The following HNRNPM variants were observed in gnomAD, a reference collection of about 807,000 sequenced individuals.
The protein encoded by HNRNPM is heterogeneous nuclear ribonucleoprotein M.
Under a neutral mutation model 73.1 loss-of-function variants are expected in HNRNPM, and 11 were observed. The observed-to-expected ratio is 0.15, with a 90% CI of 0.09 to 0.25. The LOEUF is 0.25. Ranked by LOEUF, HNRNPM falls within the 10% of genes least tolerant of loss-of-function variation. The pLI is 1.00. For synonymous variants in HNRNPM, 407 were observed against 355.2 expected (o/e 1.15, Z -1.64); for missense variants, 789 against 1,067.9 (o/e 0.74, Z 3.64).
chr19:8,462,124 G>A lies in HNRNPM; in HGVS notation c.284-405G>A. The A allele has an allele frequency of 1.0e-5, 2 of 197,518 alleles. No homozygotes were observed. Among genetic ancestry groups the A allele is most frequent in the Non-Finnish European group, 2.1e-5 (2 of 94,132 alleles). The allele number at this position is 197,518 out of a possible 1,614,324, so 12.2% of individuals were successfully genotyped here. A position where few individuals can be genotyped will look rare whatever the true frequency, so the allele number is the denominator to read the frequency against. The stretch of plus-strand genomic sequence containing the variant: ...TTATAGCATGTGAGCTCAGCCCGAT[G>A]GCATCGCAATTTGTATGCATTTCAC... On this transcript the variant is annotated intron_variant, in intron 2 of 15. Transcript: ENST00000325495. This position sits in a 1 kb window ranked among gnomAD's most constrained non-coding sequence, Gnocchi z 4.5.
At chr19:8,482,217 A>G (rs377053050) in intron 12 of HNRNPM, among the ~76,000 whole-genome samples, 154 of 152,246 alleles carry the variant, frequency 1.0e-3, no homozygotes, top group African/African-American at 3.6e-3. Context: ...TTGGCCTCCC[A>G]AAGTGCTGGG....
chr19:8,471,784 G>A (rs367914926), intron 10 of HNRNPM, among the ~76,000 whole-genome samples: 2 of 152,100 alleles, frequency 1.3e-5, no homozygotes, highest in South Asian at 2.1e-4. Context: ...TAGCACTGCC[G>A]CAGTGCCCTG....
At chr19:8,468,605 A>T (rs1367384476) in intron 8 of HNRNPM, among the ~76,000 whole-genome samples, 169 bp from the exon 9 acceptor site, 1 of 152,162 alleles carries the variant, frequency 6.6e-6, no homozygotes, top group Non-Finnish European at 1.5e-5. Context: ...TTCCCTTGAC[A>T]TAAAATAGGA....
intron 13 of HNRNPM, 29 bp from the exon 14 acceptor site, chr19:8,485,574 C>A (rs768836407): frequency 6.3e-7 from 1 of 1,581,722 alleles, no homozygotes; most frequent in Non-Finnish European, 8.6e-7. Context: ...GTTCTTGACA[C>A]CCACCTGTGT....
chr19:8,453,667 G>C (rs796574201), intron 1 of HNRNPM, among the ~76,000 whole-genome samples: 1 of 152,062 alleles, frequency 6.6e-6, no homozygotes, highest in African/African-American at 2.4e-5. Context: ...TCTCACTGGC[G>C]GGACACACAG....
chr19:8,460,534 C>G (rs1969329482), intron 2 of HNRNPM, among the ~76,000 whole-genome samples: 1 of 152,190 alleles, frequency 6.6e-6, no homozygotes, highest in Non-Finnish European at 1.5e-5. Context: ...TGTGCTATTT[C>G]TAGACTAGAC....
chr19:8,456,619 G>A (rs1969045994), intron 2 of HNRNPM, among the ~76,000 whole-genome samples: 2 of 152,184 alleles, frequency 1.3e-5, no homozygotes, highest in Admixed American at 1.3e-4. Flanking sequence ...ATGCCCCGTG[G>A]ATAGGCCATT....
chr19:8,479,771 AAT>A (rs1491286585), intron 12 of HNRNPM, among the ~76,000 whole-genome samples: 782 of 75,768 alleles, frequency 0.01, 1 homozygote, highest in East Asian at 0.053. Flanking sequence ...AAAAAAAAAA[AAT>A]TTTTTTTTTT....
chr19:8,474,606 C>T (rs1237101848), intron 12 of HNRNPM, among the ~76,000 whole-genome samples: 2 of 152,084 alleles, frequency 1.3e-5, no homozygotes, highest in Non-Finnish European at 2.9e-5. Context: ...GGTCATCTGC[C>T]CCAGCTACAA....
intron 1 of HNRNPM, among the ~76,000 whole-genome samples, chr19:8,450,155 C>G (rs931523548): frequency 6.6e-6 from 1 of 152,172 alleles, no homozygotes; most frequent in Non-Finnish European, 1.5e-5. Flanking sequence ...CAGCGCAGGA[C>G]TTGAGGGATT....
rs1334912169 is a variant in HNRNPM at position 8,485,645 on chromosome 19, C to T, written c.1217C>T (p.Pro406Leu). Residue 406 changes from proline (P) to leucine (L), a missense_variant, in exon 14 of 16, where the codon CCT (proline) becomes CTT (leucine). Physicochemically the swap from Pro to Leu is moderately conservative, Grantham distance 98 (BLOSUM62 -3). Transcript: ENST00000325495. ...GTCCCTGGGATCGAGAGGATGGGTC[C>T]TGGCATTGACCGCCTCGGGGGTGCC... ...GSVPGIERMG[P>L]GIDRLGGAGM... The T allele has an allele frequency of 2.5e-6, 4 of 1,607,268 alleles. No individual in the cohort carries two copies. The highest frequency in any genetic ancestry group is 3.4e-6 in the Non-Finnish European group (4 of 1,179,008).
rs1457429814 is a variant in HNRNPM, at chr19:8,486,338, C to T, written c.1910C>T (p.Ser637Phe). The T allele has an allele frequency of 6.3e-7, 1 of 1,598,998 alleles. No individual in the cohort carries two copies. Among genetic ancestry groups the T allele is most frequent in the Non-Finnish European group, 8.5e-7 (1 of 1,179,444 alleles). ...RGNFGGSFAG[S>F]FGGAGGHAPG... is the part of the protein sequence containing the mutation. ...AACTTCGGAGGAAGCTTCGCAGGTT[C>T]CTTTGGTGGAGCTGGAGGCCATGCT... Residue 637 changes from serine to phenylalanine, a missense_variant, in exon 14 of 16, where the codon TCC becomes TTC. Around this residue, in one of 4 missense-constraint regions of HNRNPM, gnomAD observed 604 missense variants for 744.0 expected, o/e 0.81. Transcript: ENST00000325495.
At chr19:8,451,731 A>G (rs1481273882) in intron 1 of HNRNPM, among the ~76,000 whole-genome samples, 1 of 151,992 alleles carries the variant, frequency 6.6e-6, no homozygotes, top group Admixed American at 6.6e-5. Context: ...CGGTTTTGCC[A>G]TGTTACCCAG....
chr19:8,468,837 A>G lies in HNRNPM; in HGVS notation c.895+3A>G. 6.2e-7 allele frequency: 1 copy of G among 1,610,614 alleles called. No individual in the cohort carries two copies. Among genetic ancestry groups the G allele is most frequent in the Non-Finnish European group, 8.5e-7 (1 of 1,176,838 alleles). On this transcript the variant is annotated splice_donor_region_variant and intron_variant, in intron 9 of 15. Coordinates refer to ENST00000325495, the MANE Select transcript of HNRNPM (RefSeq NM_005968.5). ...TGAGCGTCCACAACAACTTCCCCGTAAGTGTTTCAGTGATTAGGGCTGAGA... is the reference window on the plus strand; with the variant it reads ...TGAGCGTCCACAACAACTTCCCCGTGAGTGTTTCAGTGATTAGGGCTGAGA...
chr19:8,453,774 C>G lies in HNRNPM; in HGVS notation c.114-1631C>G, dbSNP rs192906879. On this transcript the variant is annotated intron_variant, in intron 1 of 15. Transcript: ENST00000325495. Reference sequence around the variant, plus strand: ...TCCTGATCAGCTCTAATCTGTGCCTCCCTGTAGTCAGAGGGGTTGCGCTTG... The same window carrying G: ...TCCTGATCAGCTCTAATCTGTGCCTGCCTGTAGTCAGAGGGGTTGCGCTTG... Among the ~76,000 whole-genome samples the G allele has an allele frequency of 7.6e-4, 116 of 152,290 alleles. 1 individual carries two copies. The highest frequency in any genetic ancestry group is 2.7e-3 in the African/African-American group (114 of 41,560).
At chr19:8,464,586 C>T (rs950325828) in intron 5 of HNRNPM, among the ~76,000 whole-genome samples, 14 of 152,130 alleles carry the variant, frequency 9.2e-5, no homozygotes, top group African/African-American at 3.4e-4. Flanking sequence ...GAGCCGAGAT[C>T]GCGCCATTGA....
chr19:8,453,291 C>T (rs184534453), intron 1 of HNRNPM, among the ~76,000 whole-genome samples: 134 of 152,168 alleles, frequency 8.8e-4, no homozygotes, highest in African/African-American at 3.2e-3. Flanking sequence ...CAGGCATGTG[C>T]CACCACGCCC....
Position 8,462,634 on chromosome 19 carries a change from T to C in HNRNPM, c.336+53T>C. The C allele has an allele frequency of 7.2e-7, 1 of 1,392,206 alleles. No homozygotes were observed. Among genetic ancestry groups the C allele is most frequent in the South Asian group, 1.2e-5 (1 of 86,624 alleles). 86.2% of individuals were successfully genotyped at this position (1,392,206 alleles called of 1,614,324 possible). ...GGATTTACTACATGAAAAATGTAAC[T>C]GTATGGTGGCGTGGAATCGAATGAA... On this transcript the variant is annotated intron_variant, in intron 3 of 15. Transcript: ENST00000325495. The surrounding 1 kb of genome is among the most constrained non-coding windows in gnomAD (Gnocchi z 4.5).
At chr19:8,447,687 C>G (rs1282545560) in intron 1 of HNRNPM, among the ~76,000 whole-genome samples, 2 of 152,020 alleles carry the variant, frequency 1.3e-5, no homozygotes, top group African/African-American at 2.4e-5. Flanking sequence ...GAGTTCAAGA[C>G]CAGCCTGGGC....
Sources: gnomAD v4.1 joint callset for allele counts (sites outside exome capture counted in the v4.1 genomes callset) on GRCh38, gnomAD v4.1.1 for gene constraint, gnomAD v4.1.1 regional missense constraint, Gnocchi (gnomAD v3.1) non-coding constraint, MANE v1.5 for transcripts, NCBI Gene and HGNC (gene_info 2026-07-23, HGNC 2026-07-21) for gene names.